The following SCRIB variants were observed in gnomAD, a reference collection of about 807,000 sequenced individuals.
SCRIB encodes the protein protein scribble homolog.
A neutral mutation model predicts 170.0 loss-of-function variants in SCRIB; 72 were observed. The observed-to-expected ratio is 0.42, with a 90% CI of 0.35 to 0.52. The LOEUF (loss-of-function observed/expected upper bound fraction) is 0.52, where lower values mean the gene tolerates loss of function less well. Among genes scored for constraint, SCRIB ranks in the 20% least tolerant of loss-of-function variants. The pLI is 0.02. For synonymous variants in SCRIB, 1,298 were observed against 1,044.3 expected (o/e 1.24, Z -4.68); for missense variants, 2,475 against 2,338.5 (o/e 1.06, Z -1.20).
At position 143,813,073 on chromosome 8, in the gene SCRIB, C is replaced by T. The variant is rs1249644763; in HGVS notation, c.599G>A (p.Arg200Gln). 8 of 1,585,198 alleles carry T rather than the reference C, an allele frequency of 5.0e-6. No homozygotes were observed. Among genetic ancestry groups the T allele is most frequent in the African/African-American group, 2.7e-5 (2 of 74,602 alleles). Residue 200 changes from arginine (R) to glutamine (Q), a missense_variant, in exon 7 of 37, where the codon CGG becomes CAG. Transcript: ENST00000356994. ...PDTLGALPNL[R>Q]ELWLDRNQLS... ...CTGGTTCCGGTCAAGCCACAGCTCCCGAAGATTGGGCAGAGCCCCCAGAGT... is the reference window on the plus strand; with the variant it reads ...CTGGTTCCGGTCAAGCCACAGCTCCTGAAGATTGGGCAGAGCCCCCAGAGT...
At chr8:143,796,208 G>C (rs782687205) in intron 24 of SCRIB, among the ~76,000 whole-genome samples, 4 of 152,206 alleles carry the variant, frequency 2.6e-5, no homozygotes, top group Non-Finnish European at 4.4e-5. Context: ...CACGGGCAGA[G>C]GGAACCATGG....
intron 24 of SCRIB, 95 bp downstream of exon 24, chr8:143,803,288 A>G (rs1815250578): frequency 8.1e-7 from 1 of 1,229,450 alleles, no homozygotes; most frequent in Non-Finnish European, 1.1e-6. Context: ...CCAGAGGCAC[A>G]GGGGACCCGT....
intron 24 of SCRIB, among the ~76,000 whole-genome samples, chr8:143,798,446 C>T (rs1040689109): frequency 1.3e-5 from 2 of 152,120 alleles, no homozygotes; most frequent in East Asian, 1.9e-4. Flanking sequence ...CCCCTCTCCA[C>T]GCTCCTGCTC....
rs782537656 is a variant in SCRIB, at chr8:143,804,130, G to A, written c.3036C>T (p.Gly1012=). 1.1e-5 allele frequency: 17 copies of A among 1,612,030 alleles called. No homozygotes were observed. The East Asian group carries it at 1.8e-4, about 17-fold the overall frequency. ...VEEIRLPRAG[G]PLGLSIVGGS... is the part of the protein sequence containing the mutation. ...CTCCGACAATACTAAGCCCCAGAGG[G>A]CCCCCAGCTCTTGGCAGACGGATCT... Residue 1012 remains glycine (G), a synonymous_variant, in exon 22 of 37, where the codon GGC becomes GGT. Coordinates refer to ENST00000356994, the MANE Select transcript of SCRIB (RefSeq NM_182706.5).
chr8:143,805,064 G>T (rs782171747), intron 19 of SCRIB, 48 bp downstream of exon 19: 5 of 1,584,200 alleles, frequency 3.2e-6, no homozygotes, highest in Non-Finnish European at 4.3e-6. Context: ...CTGGAGTGCG[G>T]CTGTCAGCTC....
In SCRIB at chr8:143,791,147, G is replaced by A; in HGVS notation, c.*16C>T. ...GCAGGGCCCCCACCCCAAGTCTGGG[G>A]GAGGTGCCTGCTCCTCTAGGAGGGC... On this transcript the variant is annotated 3_prime_UTR_variant, in exon 37 of 37. Coordinates refer to ENST00000356994, the MANE Select transcript of SCRIB (RefSeq NM_182706.5). 7.2e-7 allele frequency: 1 copy of A among 1,394,928 alleles called. No individual in the cohort carries two copies. Among genetic ancestry groups the A allele is most frequent in the Non-Finnish European group, 9.3e-7 (1 of 1,073,808 alleles). The allele number at this position is 1,394,928 out of a possible 1,614,324, so 86.4% of individuals were successfully genotyped here.
Position 143,815,723 on chromosome 8 carries a change from C to A in SCRIB, c.-351G>T. 1.0e-6 allele frequency: 1 copy of A among 984,092 alleles called. No homozygotes were observed. Among genetic ancestry groups the A allele is most frequent in the South Asian group, 4.7e-5 (1 of 21,274 alleles). The allele number at this position is 984,092 out of a possible 1,614,324, so 61.0% of individuals were successfully genotyped here. On this transcript the variant is annotated 5_prime_UTR_variant, in exon 1 of 37. Transcript: ENST00000356994. ...GGAACCGCCGCTGCCCGCCGGACTG[C>A]CCCGCCGACACCCACCCGGCCGCCG... is the stretch of plus-strand genomic sequence containing the variant.
intron 28 of SCRIB, chr8:143,793,301 G>A: frequency 2.2e-6 from 1 of 456,104 alleles, no homozygotes; most frequent in East Asian, 3.5e-5. Context: ...GAGCCCCTTG[G>A]CCAGGCCTGA....
intron 3 of SCRIB, 32 bp downstream of exon 3, chr8:143,813,786 C>A (rs1299908696): frequency 6.2e-7 from 1 of 1,608,794 alleles, no homozygotes; most frequent in African/African-American, 1.3e-5. Flanking sequence ...GACCCATAGC[C>A]CCTACCGACC....
chr8:143,810,640 G>A (rs1004994755), intron 12 of SCRIB, 36 bp from the exon 13 acceptor site: 4 of 1,606,134 alleles, frequency 2.5e-6, no homozygotes, highest in East Asian at 2.2e-5. Flanking sequence ...CAGCCACAGG[G>A]CAGGGGTCAG....
chr8:143,815,263 C>A lies in SCRIB; in HGVS notation c.110G>T (p.Ser37Ile). ...VPEEIYRYSR[S>I]LEELLLDANQ... ...GGCGTCGAGCAGCAGCTCCTCCAGG[C>A]TGCGGCTGTAGCGGTAGATCTCCTC... The change falls in exon 1 of 37, where the codon AGC (serine) becomes ATC (isoleucine). Residue 37 changes from serine (S) to isoleucine (I), a missense_variant. Ser to Ile is a moderately radical substitution (Grantham distance 142). Coordinates refer to ENST00000356994, the MANE Select transcript of SCRIB (RefSeq NM_182706.5). 2 of 1,596,808 alleles carry A rather than the reference C, an allele frequency of 1.3e-6. No individual in the cohort carries two copies. The highest frequency in any genetic ancestry group is 1.7e-6 in the Non-Finnish European group (2 of 1,175,078).
rs56748182 is a variant in SCRIB, at chr8:143,813,499, G to A, written c.474C>T (p.Leu158=). ...GNLANLVTLE[L]RENLLKSLPA... is the part of the protein sequence containing the mutation. Reference sequence around the variant, plus strand: ...GCAGGGACTTGAGCAGGTTCTCCCGGAGCTCCAGGGTCACCAGGTTGGCGA... The same window carrying A: ...GCAGGGACTTGAGCAGGTTCTCCCGAAGCTCCAGGGTCACCAGGTTGGCGA... The change falls in exon 5 of 37, where the codon CTC becomes CTT. Residue 158 remains leucine (L), a synonymous_variant. Transcript: ENST00000356994. 125,976 of 1,613,080 alleles carry A rather than the reference G, an allele frequency of 0.078. 5,536 individuals are homozygous for A. Among genetic ancestry groups the A allele is most frequent in the Non-Finnish European group, 0.087 (102,492 of 1,179,924 alleles).
chr8:143,808,911 T>C lies in SCRIB; in HGVS notation c.1813A>G (p.Lys605Glu). Residue 605 changes from lysine to glutamate, a missense_variant, in exon 15 of 37, where the codon AAG becomes GAG. This residue lies in a region of SCRIB where 1,966 missense variants were observed against 1,742.9 expected (regional missense o/e 1.13). Coordinates refer to ENST00000356994, the MANE Select transcript of SCRIB (RefSeq NM_182706.5). ...LPGGRQRLIR[K>E]DTPHYKKHFK... is the part of the protein sequence containing the mutation. ...TGCTTTTTGTAGTGAGGTGTGTCCT[T>C]GCGGATGAGCCGCTGCCTCCCGCCT... 1 of 1,610,942 alleles carries C rather than the reference T, an allele frequency of 6.2e-7. No homozygotes were observed.
chr8:143,804,261 G>A (rs1815309252), intron 21 of SCRIB, 105 bp from the exon 22 acceptor site: 4 of 877,294 alleles, frequency 4.6e-6, no homozygotes, highest in South Asian at 3.5e-5. Context: ...GCGGGCGGGG[G>A]CTGCCCTAAT....
In SCRIB at chr8:143,810,521, G is replaced by A. The variant is rs1322144244; in HGVS notation, c.1488C>T (p.Cys496=). ...RSIEGRRSEA[C]PCQPDSGSPL... is the part of the protein sequence containing the mutation. ...GCGACCCAGAGTCTGGCTGGCAAGG[G>A]CAGGCCTCGCTCCGCCGCCCCTCGA... Residue 496 remains cysteine (C), a synonymous_variant, in exon 13 of 37, where the codon TGC becomes TGT. Coordinates refer to ENST00000356994, the MANE Select transcript of SCRIB (RefSeq NM_182706.5). The A allele has an allele frequency of 1.9e-6, 3 of 1,612,536 alleles. No individual in the cohort carries two copies. The highest frequency in any genetic ancestry group is 1.7e-5 in the Admixed American group (1 of 60,026).
rs1425778694 is a variant in SCRIB at position 143,815,419 on chromosome 8, C to G, written c.-47G>C. 6.3e-6 allele frequency: 7 copies of G among 1,102,770 alleles called. No individual in the cohort carries two copies. The highest frequency in any genetic ancestry group is 1.7e-5 in the African/African-American group (1 of 57,366). 68.3% of individuals were successfully genotyped at this position (1,102,770 alleles called of 1,614,324 possible). A position where few individuals can be genotyped will look rare whatever the true frequency, so the allele number is the denominator to read the frequency against. Reference sequence around the variant, plus strand: ...CTCCGGCGGCGGCGCTCGGCGGGCTCGGGGCCGGGGGGCGGGGCTCAGTCC... The same window carrying G: ...CTCCGGCGGCGGCGCTCGGCGGGCTGGGGGCCGGGGGGCGGGGCTCAGTCC... On this transcript the variant is annotated 5_prime_UTR_variant, in exon 1 of 37. Transcript: ENST00000356994.
At chr8:143,812,744 AGCCCCGAC>A in intron 8 of SCRIB, 65 bp downstream of exon 8, 2 of 1,539,998 alleles carry the variant, frequency 1.3e-6, no homozygotes, top group Non-Finnish European at 1.8e-6. Context: ...CACCACACAC[AGCCCCGAC>A]GCCCCACGCT....
At chr8:143,807,264 G>A (rs146373646) in intron 16 of SCRIB, among the ~76,000 whole-genome samples, 83 of 152,298 alleles carry the variant, frequency 5.4e-4, no homozygotes, top group Middle Eastern at 3.4e-3. Context: ...ATGGTGGCCC[G>A]AGGCCCCCCT....
In SCRIB at chr8:143,792,709, TTCC is replaced by T. The variant is rs782315403; in HGVS notation, c.4173_4175del (p.Glu1392del). The stretch of plus-strand genomic sequence containing the variant: ...CCACCCCACTTCCGTGCCCCTCACC[TTCC>T]TCCTCCTGCATCTTCCGCAGGTCGT... On this transcript the variant is annotated inframe_deletion and splice_region_variant, in exon 30 of 37. Coordinates refer to ENST00000356994, the MANE Select transcript of SCRIB (RefSeq NM_182706.5). 3 of 1,587,166 alleles carry T rather than the reference TTCC, an allele frequency of 1.9e-6. No homozygotes were observed. Among genetic ancestry groups the T allele is most frequent in the South Asian group, 2.3e-5 (2 of 88,648 alleles).
Sources: gnomAD v4.1 joint callset for allele counts (sites outside exome capture counted in the v4.1 genomes callset) on GRCh38, gnomAD v4.1.1 for gene constraint, gnomAD v4.1.1 regional missense constraint, MANE v1.5 for transcripts, NCBI Gene and HGNC (gene_info 2026-07-23, HGNC 2026-07-21) for gene names.